The following GCHFR variants were observed in gnomAD, a reference collection of about 807,000 sequenced individuals.
The protein encoded by GCHFR is GTP cyclohydrolase I feedback regulator.
GCHFR carries 12 observed loss-of-function variants against 10.6 expected under a neutral mutation model. That is an observed-to-expected ratio of 1.13 (90% CI 0.72 to 1.83). The LOEUF is 1.83. Among genes scored for constraint, GCHFR ranks in the 40% most tolerant of loss-of-function variants. The pLI is 0.00. For missense variants in GCHFR, 116 were observed against 110.6 expected, an observed-to-expected ratio of 1.05 and a Z score of -0.22; for synonymous variants, 54 against 43.7, an observed-to-expected ratio of 1.24 and a Z score of -0.93.
rs527957641 is a variant in GCHFR, at chr15:40,767,402, G to A, written c.*53G>A. 4 of 1,528,026 alleles carry A rather than the reference G, an allele frequency of 2.6e-6. No homozygotes were observed. The highest frequency in any genetic ancestry group is 1.4e-5 in the African/African-American group (1 of 69,940). The allele number at this position is 1,528,026 out of a possible 1,614,324, so 94.7% of individuals were successfully genotyped here. A position where few individuals can be genotyped will look rare whatever the true frequency, so the allele number is the denominator to read the frequency against. ...CACCCCTGTGGAGGGGCTGCTGTGG[G>A]CCCTGACCTCCAAGCTCCTGCCTCA... On this transcript the variant is annotated 3_prime_UTR_variant, in exon 3 of 3. Transcript: ENST00000260447.
chr15:40,765,582 CG>C (rs1157906892), intron 1 of GCHFR: 2 of 324,858 alleles, frequency 6.2e-6, no homozygotes, highest in African/African-American at 4.3e-5. Flanking sequence ...ACTATAGGCT[CG>C]TGATACTTTG....
In GCHFR at chr15:40,767,476, GC is replaced by G. The variant is rs1888977102; in HGVS notation, c.*131del. Reference sequence around the variant, plus strand: ...CCAAATCATCACCGCCATGGGCCCAGCCCCAAAGGGCAGTGAATGGCCTTCT... The same window carrying G: ...CCAAATCATCACCGCCATGGGCCCAGCCCAAAGGGCAGTGAATGGCCTTCT... On this transcript the variant is annotated 3_prime_UTR_variant, in exon 3 of 3. Transcript: ENST00000260447. 8.1e-6 allele frequency: 9 copies of G among 1,104,572 alleles called. No homozygotes were observed. In the South Asian group the frequency reaches 1.5e-4, roughly 19 times the overall value. The allele number at this position is 1,104,572 out of a possible 1,614,324, so 68.4% of individuals were successfully genotyped here. A position where few individuals can be genotyped will look rare whatever the true frequency, so the allele number is the denominator to read the frequency against.
At position 40,767,558 on chromosome 15, in the gene GCHFR, C is replaced by T; in HGVS notation, c.*209C>T. 1 of 621,912 alleles carries T rather than the reference C, an allele frequency of 1.6e-6. No individual in the cohort carries two copies. Among genetic ancestry groups the T allele is most frequent in the Non-Finnish European group, 2.6e-6 (1 of 381,308 alleles). The allele number at this position is 621,912 out of a possible 1,614,324, so 38.5% of individuals were successfully genotyped here. On this transcript the variant is annotated 3_prime_UTR_variant, in exon 3 of 3. Transcript: ENST00000260447. ...GCAGTGCCCGGTGCCCTGGTGCTCC[C>T]AGCTGCCCTCCTGCTTCGGGCCTGG... is the stretch of plus-strand genomic sequence containing the variant.
intron 1 of GCHFR, 96 bp downstream of exon 1, chr15:40,764,312 G>T (rs1476401479): frequency 8.8e-7 from 1 of 1,139,650 alleles, no homozygotes; most frequent in East Asian, 3.2e-5. Context: ...CACCCACCGG[G>T]GACTGGACCG....
intron 1 of GCHFR, 101 bp downstream of exon 1, chr15:40,764,317 G>A: frequency 9.0e-7 from 1 of 1,105,564 alleles, no homozygotes; most frequent in South Asian, 1.8e-5. Flanking sequence ...ACCGGGGACT[G>A]GACCGGGAAC....
intron 1 of GCHFR, among the ~76,000 whole-genome samples, chr15:40,764,919 A>C (rs899913497): frequency 3.6e-4 from 55 of 152,332 alleles, no homozygotes; most frequent in African/African-American, 1.3e-3. Context: ...GACGGGCAGC[A>C]AGGTGCTCTC....
chr15:40,765,978 C>A, intron 2 of GCHFR, 57 bp downstream of exon 2: 1 of 855,388 alleles, frequency 1.2e-6, no homozygotes, highest in East Asian at 2.9e-5. Flanking sequence ...CCTGCCTCTG[C>A]TCCCTTTATA....
intron 2 of GCHFR, 24 bp from the exon 3 acceptor site, chr15:40,767,202 C>CA: frequency 1.4e-6 from 2 of 1,470,446 alleles, no homozygotes; most frequent in African/African-American, 2.9e-5. Flanking sequence ...CCCTCCTCAC[C>CA]CCCCCCATCC....
At position 40,767,674 on chromosome 15, in the gene GCHFR, A is replaced by G. The variant is rs1888982325; in HGVS notation, c.*325A>G. On this transcript the variant is annotated 3_prime_UTR_variant, in exon 3 of 3. Transcript: ENST00000260447. ...CGGCCCTGGCGCGTGGCTCCTGCAT[A>G]GCTAGCCCAAGCCAATAAAGGGCTG... The G allele has an allele frequency of 5.0e-6, 3 of 598,994 alleles. No individual in the cohort carries two copies. Among genetic ancestry groups the G allele is most frequent in the Non-Finnish European group, 8.4e-6 (3 of 356,852 alleles). 37.1% of individuals were successfully genotyped at this position (598,994 alleles called of 1,614,324 possible). A position where few individuals can be genotyped will look rare whatever the true frequency, so the allele number is the denominator to read the frequency against.
Position 40,767,442 on chromosome 15 carries a change from C to T in GCHFR, c.*93C>T. 1 of 1,378,464 alleles carries T rather than the reference C, an allele frequency of 7.3e-7. No individual in the cohort carries two copies. The highest frequency in any genetic ancestry group is 9.7e-7 in the Non-Finnish European group (1 of 1,026,354). The allele number at this position is 1,378,464 out of a possible 1,614,324, so 85.4% of individuals were successfully genotyped here. ...CTCCTGCCTCACCGTCTGCCTTGCT[C>T]CTCTCTTCCCAAATCATCACCGCCA... On this transcript the variant is annotated 3_prime_UTR_variant, in exon 3 of 3. Transcript: ENST00000260447.
intron 2 of GCHFR, chr15:40,766,951 C>T (rs193149234): frequency 1.1e-4 from 30 of 261,058 alleles, no homozygotes; most frequent in Admixed American, 1.0e-3. Context: ...CCATCTGGGA[C>T]GCTGGGGAAC....
intron 2 of GCHFR, 25 bp downstream of exon 2, chr15:40,765,946 C>CCT (rs754505373): frequency 5.6e-6 from 7 of 1,253,066 alleles, no homozygotes; most frequent in Non-Finnish European, 6.9e-6. Context: ...CCCTCAGTAT[C>CCT]CTCTCCCTGC....
At chr15:40,765,643 C>T (rs1474699462) in intron 1 of GCHFR, 184 bp from the exon 2 acceptor site, 4 of 394,756 alleles carry the variant, frequency 1.0e-5, no homozygotes, top group Non-Finnish European at 1.8e-5. Context: ...CTACATTGCT[C>T]CTCCTGATCA....
At position 40,764,118 on chromosome 15, in the gene GCHFR, A is replaced by G; in HGVS notation, c.-63A>G. On this transcript the variant is annotated 5_prime_UTR_variant, in exon 1 of 3. Transcript: ENST00000260447. Reference sequence around the variant, plus strand: ...CTGCGCGTCGCAGTCCCGACGCGAGAAGGGCTGGAGTCGGCGTCCAGCCTA... The same window carrying G: ...CTGCGCGTCGCAGTCCCGACGCGAGGAGGGCTGGAGTCGGCGTCCAGCCTA... 1 of 1,472,160 alleles carries G rather than the reference A, an allele frequency of 6.8e-7. No individual in the cohort carries two copies. The highest frequency in any genetic ancestry group is 9.2e-7 in the Non-Finnish European group (1 of 1,092,426). The allele number at this position is 1,472,160 out of a possible 1,614,324, so 91.2% of individuals were successfully genotyped here.
At chr15:40,764,578 GA>G in intron 1 of GCHFR, 14 of 278,090 alleles carry the variant, frequency 5.0e-5, no homozygotes, top group East Asian at 1.8e-4. Context: ...CTCCGCAGGG[GA>G]AAAAAGGGCG....
chr15:40,765,995 C>G (rs1194151324), intron 2 of GCHFR, 74 bp downstream of exon 2: 1 of 689,126 alleles, frequency 1.5e-6, no homozygotes, highest in Non-Finnish European at 2.4e-6. Context: ...TATACAACCT[C>G]CAAGCCCAGG....
At chr15:40,766,068 G>A (rs1256949087) in intron 2 of GCHFR, 147 bp downstream of exon 2, 16 of 461,892 alleles carry the variant, frequency 3.5e-5, no homozygotes, top group Non-Finnish European at 5.9e-5. Context: ...GGAGGAGTTG[G>A]TCCCATCTGT....
chr15:40,765,794 C>G (rs996003538), intron 1 of GCHFR, 33 bp from the exon 2 acceptor site: 1 of 1,209,852 alleles, frequency 8.3e-7, no homozygotes, highest in South Asian at 1.4e-5. Context: ...CTCCTGGCAG[C>G]CAGCCAAGCA....
chr15:40,765,828 A>T lies in GCHFR; in HGVS notation c.38A>T (p.Glu13Val). The T allele has an allele frequency of 6.5e-7, 1 of 1,541,384 alleles. No homozygotes were observed. ...YLLISTQIRM[E>V]VGPTMVGDEQ... ...CAGCCACTGTGGCTTACCTTGCAGGAGGTGGGCCCCACTATGGTGGGCGAT... is the reference window on the plus strand; with the variant it reads ...CAGCCACTGTGGCTTACCTTGCAGGTGGTGGGCCCCACTATGGTGGGCGAT... The change falls in exon 2 of 3, where the codon GAG (glutamate) becomes GTG (valine). Residue 13 changes from glutamate (E) to valine (V), a missense_variant and splice_region_variant. Physicochemically the swap from Glu to Val is moderately radical, Grantham distance 121. Transcript: ENST00000260447.
Sources: gnomAD v4.1 joint callset for allele counts (sites outside exome capture counted in the v4.1 genomes callset) on GRCh38, gnomAD v4.1.1 for gene constraint, MANE v1.5 for transcripts, NCBI Gene and HGNC (gene_info 2026-07-23, HGNC 2026-07-21) for gene names.